The following CACNA2D3 variants were observed in gnomAD, a reference collection of about 807,000 sequenced individuals.
The protein encoded by CACNA2D3 is voltage-dependent calcium channel subunit alpha-2/delta-3.
In CACNA2D3, 60 loss-of-function variants were observed where a neutral mutation model predicts 160.6. That is an observed-to-expected ratio of 0.37 (90% CI 0.30 to 0.46). The LOEUF (loss-of-function observed/expected upper bound fraction) is 0.46, where lower values mean the gene tolerates loss of function less well. Among genes scored for constraint, CACNA2D3 ranks in the 20% least tolerant of loss-of-function variants. CACNA2D3 has a pLI of 1.00. For missense variants in CACNA2D3, 1,205 were observed against 1,365.0 expected, an observed-to-expected ratio of 0.88 and a Z score of 1.85; for synonymous variants, 558 against 492.9, an observed-to-expected ratio of 1.13 and a Z score of -1.75.
chr3:54,278,454 A>T (rs959466857), intron 2 of CACNA2D3, among the ~76,000 whole-genome samples: 1 of 152,210 alleles, frequency 6.6e-6, no homozygotes, highest in Non-Finnish European at 1.5e-5. Context: ...TAGAACCAGA[A>T]ATACCATTTG....
intron 4 of CACNA2D3, among the ~76,000 whole-genome samples, chr3:54,478,993 C>T (rs944252319): frequency 2.0e-5 from 3 of 151,778 alleles, no homozygotes; most frequent in Admixed American, 6.6e-5. Context: ...TATATCCCCA[C>T]CCAGATCTCA....
intron 2 of CACNA2D3, among the ~76,000 whole-genome samples, chr3:54,292,608 A>G (rs969666690): frequency 6.6e-6 from 1 of 152,230 alleles, no homozygotes; most frequent in African/African-American, 2.4e-5. Context: ...TGAGATATAA[A>G]TTAAAGCCAC....
chr3:54,538,685 A>G (rs1701925343), intron 5 of CACNA2D3, among the ~76,000 whole-genome samples: 1 of 152,136 alleles, frequency 6.6e-6, no homozygotes, highest in African/African-American at 2.4e-5. Context: ...CTGTCCTCCC[A>G]TGCTGCCTTG....
intron 11 of CACNA2D3, among the ~76,000 whole-genome samples, chr3:54,701,617 C>T: frequency 6.6e-6 from 1 of 152,062 alleles, no homozygotes; most frequent in Non-Finnish European, 1.5e-5. Flanking sequence ...AATGGGAAAA[C>T]ACTTTATGCT....
intron 5 of CACNA2D3, among the ~76,000 whole-genome samples, chr3:54,530,009 C>G (rs1222239740): frequency 6.6e-6 from 1 of 152,126 alleles, no homozygotes; most frequent in Non-Finnish European, 1.5e-5. Flanking sequence ...AGACCCAGTC[C>G]TTCAGTATTG....
intron 23 of CACNA2D3, among the ~76,000 whole-genome samples, chr3:54,886,463 A>G (rs1485085239): frequency 6.6e-6 from 1 of 152,224 alleles, no homozygotes; most frequent in Non-Finnish European, 1.5e-5. Context: ...ATACATTTGT[A>G]GTCACCATCC....
intron 4 of CACNA2D3, among the ~76,000 whole-genome samples, chr3:54,502,083 A>G (rs1206986630): frequency 2.6e-5 from 4 of 152,136 alleles, no homozygotes; most frequent in Admixed American, 1.3e-4. Flanking sequence ...TTGATTTTAT[A>G]CAGTTTGAAT....
At chr3:54,710,564 G>T (rs1278721064) in intron 11 of CACNA2D3, among the ~76,000 whole-genome samples, 1 of 152,118 alleles carries the variant, frequency 6.6e-6, no homozygotes, top group African/African-American at 2.4e-5. Context: ...ATATTCCATT[G>T]TCCAGAATTT....
intron 13 of CACNA2D3, among the ~76,000 whole-genome samples, chr3:54,782,701 G>GA (rs1021693086): frequency 8.2e-5 from 12 of 146,624 alleles, no homozygotes; most frequent in East Asian, 4.0e-4. Flanking sequence ...TTGAGAAAAA[G>GA]AAAAAAAAAA....
At chr3:54,404,027 A>G (rs1009568525) in intron 4 of CACNA2D3, among the ~76,000 whole-genome samples, 3 of 152,222 alleles carry the variant, frequency 2.0e-5, no homozygotes, top group African/African-American at 7.2e-5. Context: ...GCCCAGGACC[A>G]GATGGCTTTA....
chr3:54,770,445 A>G (rs1882315), intron 13 of CACNA2D3, among the ~76,000 whole-genome samples: 12,715 of 152,260 alleles, frequency 0.084, 818 homozygotes, highest in East Asian at 0.4. Flanking sequence ...AACAGTTTTT[A>G]TATTTTATTT....
chr3:54,256,773 A>C (rs1702303662), intron 2 of CACNA2D3, among the ~76,000 whole-genome samples: 1 of 151,530 alleles, frequency 6.6e-6, no homozygotes, highest in African/African-American at 2.4e-5. Context: ...AAAAAAAAAA[A>C]AAACCACTGT....
At chr3:54,536,632 G>A (rs539123138) in intron 5 of CACNA2D3, among the ~76,000 whole-genome samples, 70 of 152,268 alleles carry the variant, frequency 4.6e-4, no homozygotes, top group African/African-American at 1.5e-3. Context: ...GCCAGCTCTG[G>A]GTAGGTGGCC....
intron 27 of CACNA2D3, among the ~76,000 whole-genome samples, chr3:54,905,784 A>T (rs1260946942): frequency 6.6e-6 from 1 of 152,180 alleles, no homozygotes; most frequent in African/African-American, 2.4e-5. Context: ...TGTGGTTCAC[A>T]TGTCAGTAGT....
intron 5 of CACNA2D3, among the ~76,000 whole-genome samples, chr3:54,522,907 C>T (rs1701666273): frequency 6.8e-6 from 1 of 146,326 alleles, no homozygotes; most frequent in Non-Finnish European, 1.5e-5. Context: ...ACCAAAGCAC[C>T]ATTTATTTAT....
chr3:54,240,859 A>C (rs910495869), intron 2 of CACNA2D3, among the ~76,000 whole-genome samples: 2 of 151,988 alleles, frequency 1.3e-5, no homozygotes, highest in African/African-American at 4.8e-5. Flanking sequence ...CTCCTGTCTC[A>C]GCCTTCCGAG....
rs1456872342 is a variant in CACNA2D3, at chr3:55,074,447, C to G, written c.*241C>G. ...TGTGAGTTTGCCACATGATAATCAC[C>G]CTTCATCAGAAATGGGACCGCAAGT... On this transcript the variant is annotated 3_prime_UTR_variant, in exon 38 of 38. Coordinates refer to ENST00000474759, the MANE Select transcript of CACNA2D3 (RefSeq NM_018398.3). 1 of 513,222 alleles carries G rather than the reference C, an allele frequency of 1.9e-6. No individual in the cohort carries two copies. Among genetic ancestry groups the G allele is most frequent in the Non-Finnish European group, 3.5e-6 (1 of 285,918 alleles). 31.8% of individuals were successfully genotyped at this position (513,222 alleles called of 1,614,324 possible). A position where few individuals can be genotyped will look rare whatever the true frequency, so the allele number is the denominator to read the frequency against.
At chr3:54,453,770 G>A (rs12631136) in intron 4 of CACNA2D3, among the ~76,000 whole-genome samples, 2 of 152,182 alleles carry the variant, frequency 1.3e-5, no homozygotes, top group Non-Finnish European at 2.9e-5. Context: ...TTATATGCCA[G>A]AGAAAAGGAC....
At chr3:54,459,814 T>G (rs1222340140) in intron 4 of CACNA2D3, among the ~76,000 whole-genome samples, 5 of 152,252 alleles carry the variant, frequency 3.3e-5, no homozygotes, top group Non-Finnish European at 7.3e-5. Flanking sequence ...TTGTTGCTAT[T>G]GCTTTTGGTG....
Sources: gnomAD v4.1 joint callset for allele counts (sites outside exome capture counted in the v4.1 genomes callset) on GRCh38, gnomAD v4.1.1 for gene constraint, MANE v1.5 for transcripts, NCBI Gene and HGNC (gene_info 2026-07-23, HGNC 2026-07-21) for gene names.